GABRG3: variants seen among roughly 807,000 people sequenced by gnomAD.
The protein encoded by GABRG3 is gamma-aminobutyric acid receptor subunit gamma-3.
Under a neutral mutation model 48.8 loss-of-function variants are expected in GABRG3, and 25 were observed. The ratio of observed to expected loss-of-function variants is 0.51; its 90% CI spans 0.37 to 0.72. GABRG3 has a LOEUF of 0.72. GABRG3 is among the 30% of genes least tolerant of loss of function. GABRG3 has a pLI of 0.00. For missense variants in GABRG3, 394 were observed against 577.9 expected (o/e 0.68, Z 3.26); for synonymous variants, 227 against 217.6 (o/e 1.04, Z -0.38).
rs541192230 is a variant in GABRG3, at chr15:27,454,215, T to C, written c.575-26435T>C. The stretch of plus-strand genomic sequence containing the variant: ...GCCTTTAATATTTTCTCAAGAATTA[T>C]ACACCATTTCCTTGAACACTTCAGA... On this transcript the variant is annotated intron_variant, in intron 5 of 9. Transcript: ENST00000615808. 2.0e-4 allele frequency among the ~76,000 whole-genome samples: 31 copies of C among 152,370 alleles called. 1 individual carries two copies. The South Asian group carries it at 6.2e-3, about 31-fold the overall frequency.
intron 3 of GABRG3, among the ~76,000 whole-genome samples, chr15:27,192,494 C>T (rs998263178): frequency 1.3e-5 from 2 of 152,298 alleles, no homozygotes. Flanking sequence ...ATCGCTGATA[C>T]CCTTTCTTCC....
chr15:26,986,364 T>C (rs1314721090), intron 2 of GABRG3, among the ~76,000 whole-genome samples: 1 of 152,166 alleles, frequency 6.6e-6, no homozygotes. Flanking sequence ...GGAGAATAAA[T>C]TTTGTAGAGA....
chr15:27,417,219 A>G (rs1046022947), intron 5 of GABRG3, among the ~76,000 whole-genome samples: 9 of 152,202 alleles, frequency 5.9e-5, no homozygotes, highest in African/African-American at 2.2e-4. Flanking sequence ...TGCTGCTGGT[A>G]TGCAGTGGGT....
intron 3 of GABRG3, among the ~76,000 whole-genome samples, chr15:27,145,665 T>TATCTATCTGTCTATCTATCTATC (rs57021410): frequency 7.2e-6 from 1 of 138,356 alleles, no homozygotes; most frequent in Non-Finnish European, 1.5e-5. Context: ...ATCTATCTAT[T>TATCTATCTGTCTATCTATCTATC]GTGCCAGAAG....
chr15:27,026,871 G>C, intron 3 of GABRG3, 50 bp downstream of exon 3: 1 of 1,270,492 alleles, frequency 7.9e-7, no homozygotes, highest in Non-Finnish European at 1.1e-6. Flanking sequence ...ACCTCTTCTT[G>C]TTACATTCTC....
chr15:27,073,429 G>T (rs956550484), intron 3 of GABRG3, among the ~76,000 whole-genome samples: 1 of 152,256 alleles, frequency 6.6e-6, no homozygotes, highest in African/African-American at 2.4e-5. Flanking sequence ...CAAGGCAGAT[G>T]AAACAAGAAG....
At chr15:27,221,604 T>C (rs1353581688) in intron 3 of GABRG3, among the ~76,000 whole-genome samples, 1 of 152,164 alleles carries the variant, frequency 6.6e-6, no homozygotes, top group Non-Finnish European at 1.5e-5. Context: ...GGGGCTCCCA[T>C]GGCTTACCTA....
chr15:27,397,200 CAA>C (rs1887327848), intron 5 of GABRG3, among the ~76,000 whole-genome samples: 1 of 152,066 alleles, frequency 6.6e-6, no homozygotes, highest in South Asian at 2.1e-4. Context: ...GGCGGGGGTG[CAA>C]AGAGCTGGCC....
intron 2 of GABRG3, among the ~76,000 whole-genome samples, chr15:27,010,691 C>T (rs1895668405): frequency 6.6e-6 from 1 of 152,170 alleles, no homozygotes; most frequent in African/African-American, 2.4e-5. Flanking sequence ...TTTAAAAACA[C>T]ACCCATATCC....
chr15:27,479,116 G>T (rs1015247459), intron 5 of GABRG3, among the ~76,000 whole-genome samples: 8 of 148,510 alleles, frequency 5.4e-5, no homozygotes, highest in Non-Finnish European at 1.2e-4. Flanking sequence ...CCACCATTCA[G>T]AGAATATGTG....
chr15:27,108,123 T>C (rs1566937368), intron 3 of GABRG3, among the ~76,000 whole-genome samples: 2 of 152,098 alleles, frequency 1.3e-5, no homozygotes, highest in Non-Finnish European at 2.9e-5. Context: ...TAATTTTCTT[T>C]TCATTCTCTA....
chr15:27,336,237 G>GAGAGAGAGAAAGAA (rs1566792015), intron 5 of GABRG3, among the ~76,000 whole-genome samples: 11 of 143,412 alleles, frequency 7.7e-5, no homozygotes, highest in African/African-American at 2.5e-4. Flanking sequence ...AGAGAGAGGA[G>GAGAGAGAGAAAGAA]AAGAAAAGAA....
At chr15:27,262,788 C>A (rs1400673977) in intron 3 of GABRG3, among the ~76,000 whole-genome samples, 2 of 152,194 alleles carry the variant, frequency 1.3e-5, no homozygotes, top group Non-Finnish European at 2.9e-5. Flanking sequence ...CTTTATTCTG[C>A]TTAGTGCCAC....
intron 3 of GABRG3, among the ~76,000 whole-genome samples, chr15:27,316,663 T>C (rs1023981271): frequency 2.6e-5 from 4 of 152,324 alleles, no homozygotes; most frequent in East Asian, 3.9e-4. Context: ...TGGGGGAAAT[T>C]CCCCTGAATG....
rs2140538607 is a variant in GABRG3, at chr15:27,352,830, C to A, written c.574+23942C>A. Reference sequence around the variant, plus strand: ...GGGGCCCAGGTATAGCAACACCTAACTCATAGGACTATGGGGGGCGTAAAA... The same window carrying A: ...GGGGCCCAGGTATAGCAACACCTAAATCATAGGACTATGGGGGGCGTAAAA... On this transcript the variant is annotated intron_variant, in intron 5 of 9. Transcript: ENST00000615808. This position sits in a 1 kb window ranked among gnomAD's most constrained non-coding sequence, Gnocchi z 4.0. 6.6e-6 allele frequency among the ~76,000 whole-genome samples: 1 copy of A among 152,238 alleles called. No homozygotes were observed. Among genetic ancestry groups the A allele is most frequent in the African/African-American group, 2.4e-5 (1 of 41,530 alleles).
In GABRG3 at chr15:27,111,661, G is replaced by A. The variant is rs1456242861; in HGVS notation, c.270+84840G>A. Among the ~76,000 whole-genome samples, 5 of 152,110 alleles carry A rather than the reference G, an allele frequency of 3.3e-5. No homozygotes were observed. In the East Asian group the frequency reaches 9.7e-4, roughly 29 times the overall value. ...GTGCTGTTCTTCAGAGAGGGTCTAC[G>A]CCTTGTAGCTGTTTCAGCTGTAACC... On this transcript the variant is annotated intron_variant, in intron 3 of 9. Transcript: ENST00000615808.
At chr15:27,081,958 T>C (rs1896999866) in intron 3 of GABRG3, among the ~76,000 whole-genome samples, 2 of 152,352 alleles carry the variant, frequency 1.3e-5, no homozygotes, top group South Asian at 2.1e-4. Flanking sequence ...GAGAGTTCTC[T>C]TGGGGACCCA....
chr15:27,274,710 C>A (rs1201267120), intron 3 of GABRG3, among the ~76,000 whole-genome samples: 1 of 152,182 alleles, frequency 6.6e-6, no homozygotes, highest in Non-Finnish European at 1.5e-5. Context: ...AGCACTTCTA[C>A]CCTCATCTGA....
chr15:27,302,633 A>G (rs28486055), intron 3 of GABRG3, among the ~76,000 whole-genome samples: 167 of 152,184 alleles, frequency 1.1e-3, no homozygotes, highest in African/African-American at 3.8e-3. Flanking sequence ...GCCATGAACC[A>G]ACCAGATTTA....
Sources: gnomAD v4.1 joint callset for allele counts (sites outside exome capture counted in the v4.1 genomes callset) on GRCh38, gnomAD v4.1.1 for gene constraint, Gnocchi (gnomAD v3.1) non-coding constraint, MANE v1.5 for transcripts, NCBI Gene and HGNC (gene_info 2026-07-23, HGNC 2026-07-21) for gene names.